CLSTN2: variants seen among roughly 807,000 people sequenced by gnomAD.
The protein encoded by CLSTN2 is calsyntenin 2, also known as calsyntenin-2.
In CLSTN2, 48 loss-of-function variants were observed where a neutral mutation model predicts 101.2. That is an observed-to-expected ratio of 0.47 (90% CI 0.38 to 0.60). CLSTN2 has a LOEUF of 0.60. CLSTN2 is among the 20% of genes least tolerant of loss of function. The pLI is 0.00. For missense variants in CLSTN2, 1,160 were observed against 1,238.2 expected, an observed-to-expected ratio of 0.94 and a Z score of 0.95; for synonymous variants, 481 against 463.6, an observed-to-expected ratio of 1.04 and a Z score of -0.48.
chr3:140,532,100 C>A (rs1157618081), intron 8 of CLSTN2, among the ~76,000 whole-genome samples: 2 of 152,166 alleles, frequency 1.3e-5, no homozygotes, highest in African/African-American at 4.8e-5. Flanking sequence ...CCACTATCTG[C>A]CTGATATCGG....
At chr3:140,022,925 T>C (rs1478754693) in intron 1 of CLSTN2, among the ~76,000 whole-genome samples, 1 of 152,182 alleles carries the variant, frequency 6.6e-6, no homozygotes, top group Non-Finnish European at 1.5e-5. Flanking sequence ...AGGGGTAATG[T>C]CCTCAAGGTC....
chr3:140,047,681 C>T (rs1472286984), intron 1 of CLSTN2, among the ~76,000 whole-genome samples: 2 of 152,150 alleles, frequency 1.3e-5, no homozygotes, highest in East Asian at 3.9e-4. Flanking sequence ...GTGGAGTCCG[C>T]AGGTAGTGCA....
intron 1 of CLSTN2, among the ~76,000 whole-genome samples, chr3:140,149,140 G>C (rs1310312484): frequency 6.6e-6 from 1 of 152,104 alleles, no homozygotes. Flanking sequence ...TCCATTCCTG[G>C]CTGTCCCTTC....
chr3:140,044,536 G>T (rs9917660), intron 1 of CLSTN2, among the ~76,000 whole-genome samples: 2,996 of 152,160 alleles, frequency 0.02, 93 homozygotes, highest in African/African-American at 0.061. Flanking sequence ...TCTCCTGCCT[G>T]ATTGCCCTGG....
At chr3:140,345,373 C>T (rs1481506438) in intron 2 of CLSTN2, among the ~76,000 whole-genome samples, 2 of 151,656 alleles carry the variant, frequency 1.3e-5, no homozygotes, top group Non-Finnish European at 2.9e-5. Flanking sequence ...CTCAGCCTCC[C>T]GAGTAGCTGG....
chr3:140,024,664 G>A (rs1576400729), intron 1 of CLSTN2, among the ~76,000 whole-genome samples: 1 of 152,204 alleles, frequency 6.6e-6, no homozygotes, highest in Admixed American at 6.5e-5. Context: ...GACTGTTAGT[G>A]TTGAGTCTCA....
At chr3:140,189,052 T>C (rs1306702625) in intron 2 of CLSTN2, among the ~76,000 whole-genome samples, 1 of 152,234 alleles carries the variant, frequency 6.6e-6, no homozygotes, top group Non-Finnish European at 1.5e-5. Context: ...TGGCTTTTTT[T>C]CTCTTAGCAT....
intron 9 of CLSTN2, among the ~76,000 whole-genome samples, chr3:140,543,244 G>A (rs556681428): frequency 6.6e-6 from 1 of 152,232 alleles, no homozygotes; most frequent in African/African-American, 2.4e-5. Context: ...TCACACACAG[G>A]CTCACACCCT....
intron 1 of CLSTN2, among the ~76,000 whole-genome samples, chr3:139,981,912 C>T (rs1280902629): frequency 6.6e-6 from 1 of 152,166 alleles, no homozygotes; most frequent in Admixed American, 6.5e-5. Context: ...CAAGGCTGCC[C>T]CACCCTGACC....
At chr3:140,184,607 C>T (rs1039985303) in intron 2 of CLSTN2, among the ~76,000 whole-genome samples, 1 of 152,180 alleles carries the variant, frequency 6.6e-6, no homozygotes, top group African/African-American at 2.4e-5. Context: ...CACTGTCCCA[C>T]TGGCTAAAGC....
intron 5 of CLSTN2, among the ~76,000 whole-genome samples, chr3:140,443,845 A>G (rs1473348159): frequency 6.6e-6 from 1 of 152,200 alleles, no homozygotes; most frequent in Non-Finnish European, 1.5e-5. Context: ...CCCAATCTGC[A>G]GATGAAGCAA....
intron 3 of CLSTN2, 30 bp from the exon 4 acceptor site, chr3:140,404,527 AC>A (rs772422791): frequency 6.2e-7 from 1 of 1,605,950 alleles, no homozygotes; most frequent in Admixed American, 1.7e-5. Flanking sequence ...TTTCTTTACC[AC>A]CATCCCTTCC....
intron 2 of CLSTN2, among the ~76,000 whole-genome samples, chr3:140,199,875 G>A (rs2010695792): frequency 6.6e-6 from 1 of 152,228 alleles, no homozygotes; most frequent in Non-Finnish European, 1.5e-5. Flanking sequence ...AGACTTTAAT[G>A]ACATTTAATC....
intron 2 of CLSTN2, among the ~76,000 whole-genome samples, chr3:140,366,874 G>A (rs538126647): frequency 1.1e-4 from 17 of 152,344 alleles, no homozygotes; most frequent in South Asian, 2.1e-4. Flanking sequence ...TGTCCTGGGC[G>A]TTGTGAATGA....
At chr3:140,343,098 C>G (rs900412133) in intron 2 of CLSTN2, among the ~76,000 whole-genome samples, 3 of 152,134 alleles carry the variant, frequency 2.0e-5, no homozygotes, top group Admixed American at 2.0e-4. Context: ...AGTTTCTTCC[C>G]TGACTTTATC....
intron 1 of CLSTN2, among the ~76,000 whole-genome samples, chr3:139,986,965 T>C (rs1003835055): frequency 2.0e-5 from 3 of 152,302 alleles, no homozygotes; most frequent in East Asian, 1.9e-4. Flanking sequence ...CCTCAGTTAC[T>C]GTTCTTACGC....
chr3:140,013,671 A>T (rs1447336470), intron 1 of CLSTN2, among the ~76,000 whole-genome samples: 1 of 152,212 alleles, frequency 6.6e-6, no homozygotes, highest in East Asian at 1.9e-4. Context: ...AACCCTAAAA[A>T]TAATCAGAAA....
At chr3:140,487,625 C>T (rs1297908163) in intron 8 of CLSTN2, among the ~76,000 whole-genome samples, 3 of 152,228 alleles carry the variant, frequency 2.0e-5, no homozygotes, top group African/African-American at 7.2e-5. Context: ...CTTATGTGTT[C>T]ATGGGAAAGA....
In CLSTN2 at chr3:140,054,860, T is replaced by A. The variant is rs16849757; in HGVS notation, c.109+119377T>A. Among the ~76,000 whole-genome samples the A allele has an allele frequency of 3.5e-3, 540 of 152,330 alleles. 4 individuals carry two copies. The highest frequency in any genetic ancestry group is 0.012 in the African/African-American group (498 of 41,576). On this transcript the variant is annotated intron_variant, in intron 1 of 16. Coordinates refer to ENST00000458420, the MANE Select transcript of CLSTN2 (RefSeq NM_022131.3). ...AAAGCTGATGTCATAAGAGGCACTATGCCTATCGGATTCTGTAGCAACAAA... is the reference window on the plus strand; with the variant it reads ...AAAGCTGATGTCATAAGAGGCACTAAGCCTATCGGATTCTGTAGCAACAAA...
Sources: gnomAD v4.1 joint callset for allele counts (sites outside exome capture counted in the v4.1 genomes callset) on GRCh38, gnomAD v4.1.1 for gene constraint, MANE v1.5 for transcripts, NCBI Gene and HGNC (gene_info 2026-07-23, HGNC 2026-07-21) for gene names.